PRKDC: variants seen among roughly 807,000 people sequenced by gnomAD.
PRKDC encodes the protein protein kinase, DNA-activated, catalytic subunit, also known as DNA-dependent protein kinase catalytic subunit.
A neutral mutation model predicts 486.9 loss-of-function variants in PRKDC; 82 were observed. The ratio of observed to expected loss-of-function variants is 0.17; its 90% CI spans 0.14 to 0.20. The LOEUF (loss-of-function observed/expected upper bound fraction) is 0.20, where lower values mean the gene tolerates loss of function less well. Ranked by LOEUF, PRKDC falls within the 10% of genes least tolerant of loss-of-function variation. The pLI, the probability that PRKDC is intolerant of heterozygous loss-of-function variation, is 1.00. For synonymous variants in PRKDC, 1,895 were observed against 1,837.0 expected (o/e 1.03, Z -0.81); for missense variants, 4,504 against 5,038.2 (o/e 0.89, Z 3.21).
At position 47,773,267 on chromosome 8, in the gene PRKDC, G is replaced by A. The variant is rs1482637995; in HGVS notation, c.*906C>T. 8.8e-6 allele frequency: 2 copies of A among 228,008 alleles called. No homozygotes were observed. Among genetic ancestry groups the A allele is most frequent in the Non-Finnish European group, 1.8e-5 (2 of 113,778 alleles). 14.1% of individuals were successfully genotyped at this position (228,008 alleles called of 1,614,324 possible). The stretch of plus-strand genomic sequence containing the variant: ...GTGGAGGACTGGCGGGGGGGGACAG[G>A]GACTGCACATGGGAAGGAGCCACTT... On this transcript the variant is annotated 3_prime_UTR_variant, in exon 86 of 86. Transcript: ENST00000314191.
chr8:47,841,761 C>T (rs970321780), intron 54 of PRKDC, among the ~76,000 whole-genome samples: 1 of 152,184 alleles, frequency 6.6e-6, no homozygotes, highest in African/African-American at 2.4e-5. Context: ...GCCAGCTTTG[C>T]ATCTGCCTGA....
chr8:47,939,611 A>G lies in PRKDC; in HGVS notation c.1053T>C (p.Asn351=), dbSNP rs1453985010. The G allele has an allele frequency of 6.2e-6, 10 of 1,613,468 alleles. No homozygotes were observed. The highest frequency in any genetic ancestry group is 8.5e-6 in the Non-Finnish European group (10 of 1,179,584). ...ATAACTCCTTGTTGTTCGAATCCAC[A>G]TTTCTGATGATTCCATAAAACTGCT... ...FMEQFYGIIR[N]VDSNNKELSI... is the part of the protein sequence containing the mutation. Residue 351 remains asparagine, a synonymous_variant, in exon 11 of 86, where the codon AAT becomes AAC. Transcript: ENST00000314191.
At chr8:47,872,665 A>G (rs201687889) in intron 40 of PRKDC, among the ~76,000 whole-genome samples, 3 of 152,220 alleles carry the variant, frequency 2.0e-5, no homozygotes, top group East Asian at 3.8e-4. Flanking sequence ...AATAGATTTC[A>G]AGACAAAAAG....
intron 68 of PRKDC, among the ~76,000 whole-genome samples, chr8:47,813,746 A>C (rs1269231323): frequency 6.6e-6 from 1 of 151,800 alleles, no homozygotes; most frequent in Non-Finnish European, 1.5e-5. Context: ...GGCTAATTTT[A>C]TATTTTTAGT....
chr8:47,920,278 C>T (rs1469350246), intron 21 of PRKDC, among the ~76,000 whole-genome samples: 2 of 152,204 alleles, frequency 1.3e-5, no homozygotes, highest in Admixed American at 1.3e-4. Context: ...TTAGGGACTC[C>T]ATGACCGAGC....
chr8:47,798,126 T>C, intron 73 of PRKDC, 111 bp downstream of exon 73: 1 of 1,141,474 alleles, frequency 8.8e-7, no homozygotes, highest in Non-Finnish European at 1.2e-6. Context: ...CACAGCTGGC[T>C]GGGAAAAGCT....
chr8:47,924,962 A>C (rs1477581509), intron 21 of PRKDC, among the ~76,000 whole-genome samples: 1 of 152,164 alleles, frequency 6.6e-6, no homozygotes, highest in Non-Finnish European at 1.5e-5. Flanking sequence ...TAACCAAACT[A>C]CTACCTCCAT....
intron 77 of PRKDC, among the ~76,000 whole-genome samples, chr8:47,784,386 A>G (rs1224367048): frequency 1.3e-5 from 2 of 152,254 alleles, no homozygotes. Flanking sequence ...TCTCAAGGCC[A>G]ATCAAGCTGC....
intron 7 of PRKDC, among the ~76,000 whole-genome samples, chr8:47,952,938 G>A (rs941944720): frequency 4.6e-5 from 7 of 152,064 alleles, no homozygotes; most frequent in East Asian, 3.9e-4. Context: ...TCAGGAGTTC[G>A]AAACCAGCCT....
At chr8:47,843,503 A>G (rs1399188198) in intron 54 of PRKDC, among the ~76,000 whole-genome samples, 1 of 152,224 alleles carries the variant, frequency 6.6e-6, no homozygotes, top group Non-Finnish European at 1.5e-5. Flanking sequence ...AATGTTCCCT[A>G]TCTCACTAGA....
intron 70 of PRKDC, among the ~76,000 whole-genome samples, chr8:47,801,875 G>A (rs2087116029): frequency 6.6e-6 from 1 of 152,154 alleles, no homozygotes; most frequent in African/African-American, 2.4e-5. Context: ...CTCTGCCAAA[G>A]TTATCTCACA....
chr8:47,861,111 C>A, intron 44 of PRKDC, 140 bp from the exon 45 acceptor site: 1 of 633,492 alleles, frequency 1.6e-6, no homozygotes, highest in Non-Finnish European at 2.6e-6. Context: ...TCAAAAATAA[C>A]CTCAAAAAGA....
chr8:47,947,598 T>C (rs1348598038), intron 7 of PRKDC, among the ~76,000 whole-genome samples: 1 of 152,036 alleles, frequency 6.6e-6, no homozygotes, highest in African/African-American at 2.4e-5. Flanking sequence ...TGAAACCCCA[T>C]CTCTACAAAA....
chr8:47,949,448 C>T (rs961950534), intron 7 of PRKDC, among the ~76,000 whole-genome samples: 6 of 152,174 alleles, frequency 3.9e-5, no homozygotes, highest in African/African-American at 1.2e-4. Flanking sequence ...CCTTGCAACA[C>T]GTCTAGAATA....
At chr8:47,945,475 T>A (rs1173803200) in intron 7 of PRKDC, among the ~76,000 whole-genome samples, 1 of 152,236 alleles carries the variant, frequency 6.6e-6, no homozygotes, top group African/African-American at 2.4e-5. Flanking sequence ...CTACTCTAAG[T>A]ACCTCGTGTG....
chr8:47,887,055 A>G (rs1251695807), intron 35 of PRKDC, among the ~76,000 whole-genome samples: 9 of 152,152 alleles, frequency 5.9e-5, no homozygotes, highest in Non-Finnish European at 2.9e-5. Context: ...CTGCTACAGA[A>G]GAAAGAAAGT....
At chr8:47,780,105 G>C (rs2086674025) in intron 80 of PRKDC, among the ~76,000 whole-genome samples, 1 of 151,200 alleles carries the variant, frequency 6.6e-6, no homozygotes, top group South Asian at 2.1e-4. Context: ...AGTAGAGACA[G>C]GGTTTTGCCA....
chr8:47,883,063 G>T (rs1400767048), intron 36 of PRKDC, among the ~76,000 whole-genome samples: 1 of 152,146 alleles, frequency 6.6e-6, no homozygotes, highest in Non-Finnish European at 1.5e-5. Context: ...CCCCTGTCTT[G>T]GCTCACTGCC....
chr8:47,945,089 G>A (rs2090510277), intron 7 of PRKDC, among the ~76,000 whole-genome samples: 1 of 152,216 alleles, frequency 6.6e-6, no homozygotes, highest in South Asian at 2.1e-4. Flanking sequence ...AAACGCAAGT[G>A]TGCAGACACA....
Sources: allele counts gnomAD v4.1 joint callset (sites outside exome capture counted in the v4.1 genomes callset), GRCh38; gene constraint gnomAD v4.1.1; transcripts MANE v1.5; gene names NCBI Gene and HGNC (gene_info 2026-07-23, HGNC 2026-07-21).